Variants in RBFOX1 observed in about 807,000 individuals in gnomAD.
The protein encoded by RBFOX1 is RNA binding protein fox-1 homolog 1.
Under a neutral mutation model 57.7 loss-of-function variants are expected in RBFOX1, and 8 were observed. The observed-to-expected ratio is 0.14, with a 90% CI of 0.08 to 0.25. The LOEUF is 0.25. Ranked by LOEUF, RBFOX1 falls within the 10% of genes least tolerant of loss-of-function variation. RBFOX1 has a pLI of 1.00. For missense variants in RBFOX1, 611 were observed against 548.5 expected (o/e 1.11, Z -1.14); for synonymous variants, 326 against 222.4 (o/e 1.47, Z -4.15).
intron 3 of RBFOX1, among the ~76,000 whole-genome samples, chr16:5,637,467 C>T (rs1264356041): frequency 3.9e-5 from 6 of 152,190 alleles, no homozygotes; most frequent in Non-Finnish European, 1.5e-5. Context: ...ATAAAACCTC[C>T]TCATAGGGTT....
chr16:6,615,249 T>G (rs918730088), intron 2 of RBFOX1, among the ~76,000 whole-genome samples: 1 of 152,216 alleles, frequency 6.6e-6, no homozygotes, highest in Non-Finnish European at 1.5e-5. Context: ...GGATTTAGAC[T>G]AGAATCTCAT....
intron 3 of RBFOX1, among the ~76,000 whole-genome samples, chr16:5,790,797 G>T (rs2054665280): frequency 6.6e-6 from 1 of 152,066 alleles, no homozygotes; most frequent in Non-Finnish European, 1.5e-5. Context: ...GACCATTCCA[G>T]AGTCACTGCT....
chr16:7,421,423 C>A (rs1488978110), intron 4 of RBFOX1, among the ~76,000 whole-genome samples: 1 of 152,170 alleles, frequency 6.6e-6, no homozygotes, highest in Non-Finnish European at 1.5e-5. Context: ...GGCACCCATA[C>A]GTACACATAT....
intron 2 of RBFOX1, among the ~76,000 whole-genome samples, chr16:6,361,029 G>C (rs1156520290): frequency 6.6e-6 from 1 of 151,924 alleles, no homozygotes; most frequent in East Asian, 1.9e-4. Flanking sequence ...TGACCAAGCT[G>C]AGCCGTTGCC....
At chr16:6,626,222 C>T (rs1445805128) in intron 2 of RBFOX1, among the ~76,000 whole-genome samples, 1 of 151,484 alleles carries the variant, frequency 6.6e-6, no homozygotes, top group Non-Finnish European at 1.5e-5. Context: ...ACATTTATGC[C>T]CTCTGATTTT....
intron 3 of RBFOX1, among the ~76,000 whole-genome samples, chr16:5,807,963 C>G (rs1189901962): frequency 6.6e-6 from 1 of 152,192 alleles, no homozygotes; most frequent in Non-Finnish European, 1.5e-5. Context: ...CAGTCCATTT[C>G]TTTCAATTTC....
chr16:7,037,125 A>T (rs868751905), intron 3 of RBFOX1, among the ~76,000 whole-genome samples: 34 of 151,794 alleles, frequency 2.2e-4, no homozygotes, highest in Admixed American at 1.3e-4. Context: ...TCTATCAGCA[A>T]GGTCCTTACG....
At chr16:6,579,701 TC>T (rs777584799) in intron 2 of RBFOX1, among the ~76,000 whole-genome samples, 11 of 152,116 alleles carry the variant, frequency 7.2e-5, no homozygotes, top group Non-Finnish European at 1.0e-4. Flanking sequence ...ACACTAAGTC[TC>T]AGGTATATCT....
intron 3 of RBFOX1, among the ~76,000 whole-genome samples, chr16:5,829,331 T>A (rs1275163703): frequency 6.6e-6 from 1 of 152,176 alleles, no homozygotes; most frequent in Non-Finnish European, 1.5e-5. Flanking sequence ...TGATGAGCTA[T>A]GCATTTTGAA....
intron 1 of RBFOX1, among the ~76,000 whole-genome samples, chr16:6,204,038 A>G (rs1598342942): frequency 6.6e-6 from 1 of 151,460 alleles, no homozygotes; most frequent in Non-Finnish European, 1.5e-5. Context: ...ACATTCATAA[A>G]ATTATTTCTT....
At chr16:7,489,521 T>A (rs575103781) in intron 4 of RBFOX1, among the ~76,000 whole-genome samples, 10 of 152,108 alleles carry the variant, frequency 6.6e-5, no homozygotes, top group East Asian at 3.9e-4. Flanking sequence ...TATTATTTTT[T>A]TTTTGAGATA....
chr16:5,554,508 A>T (rs1024212144), intron 2 of RBFOX1, among the ~76,000 whole-genome samples: 1 of 151,874 alleles, frequency 6.6e-6, no homozygotes, highest in East Asian at 1.9e-4. Flanking sequence ...TTAACATTTT[A>T]ATAAAGCTGA....
chr16:5,643,900 C>A (rs1009083218), intron 3 of RBFOX1, among the ~76,000 whole-genome samples: 8 of 152,192 alleles, frequency 5.3e-5, no homozygotes, highest in African/African-American at 1.9e-4. Context: ...ACTTAAAAAT[C>A]TTTTCTTTCC....
intron 3 of RBFOX1, among the ~76,000 whole-genome samples, chr16:5,690,528 C>T (rs1414582221): frequency 6.6e-6 from 1 of 151,784 alleles, no homozygotes; most frequent in East Asian, 1.9e-4. Context: ...GCACTCAGTC[C>T]ATACAACACT....
chr16:7,214,243 C>A (rs540358450), intron 4 of RBFOX1, among the ~76,000 whole-genome samples: 1 of 152,010 alleles, frequency 6.6e-6, no homozygotes, highest in Admixed American at 6.5e-5. Context: ...GTTTTTTTCT[C>A]AAAAGACTTC....
rs2095036519 is a variant in RBFOX1 at position 6,020,044 on chromosome 16, A to G, written c.-127+52A>G. ...TGCACCCACCCTGACCTGGTGGGTC[A>G]GGTCCAGAAGGTCTCATGGAGGGAA... On this transcript the variant is annotated intron_variant, in intron 1 of 15. Coordinates refer to ENST00000550418, the MANE Select transcript of RBFOX1 (RefSeq NM_018723.4). The G allele has an allele frequency of 2.1e-6, 3 of 1,396,744 alleles. No homozygotes were observed. In the African/African-American group the frequency reaches 4.4e-5, roughly 20 times the overall value. The allele number at this position is 1,396,744 out of a possible 1,614,324, so 86.5% of individuals were successfully genotyped here. A position where few individuals can be genotyped will look rare whatever the true frequency, so the allele number is the denominator to read the frequency against.
At chr16:6,968,993 C>G (rs578178435) in intron 3 of RBFOX1, among the ~76,000 whole-genome samples, 2 of 152,166 alleles carry the variant, frequency 1.3e-5, no homozygotes, top group East Asian at 3.9e-4. Context: ...AGGAAGATAT[C>G]TGAGCAAAGT....
intron 3 of RBFOX1, among the ~76,000 whole-genome samples, chr16:7,038,966 C>T (rs2045342521): frequency 6.6e-6 from 1 of 152,186 alleles, no homozygotes; most frequent in Admixed American, 6.5e-5. Flanking sequence ...ACACTTGAAT[C>T]TCTCCAGTGA....
chr16:7,000,593 T>TA, intron 3 of RBFOX1, among the ~76,000 whole-genome samples: 1 of 85,958 alleles, frequency 1.2e-5, no homozygotes, highest in African/African-American at 4.0e-5. Context: ...TTTCTTTTTC[T>TA]TTCTTTTTTT....
Sources: gnomAD v4.1 joint callset for allele counts (sites outside exome capture counted in the v4.1 genomes callset) on GRCh38, gnomAD v4.1.1 for gene constraint, MANE v1.5 for transcripts, NCBI Gene and HGNC (gene_info 2026-07-23, HGNC 2026-07-21) for gene names.